Variants in HK1 observed in about 807,000 individuals in gnomAD.
HK1 encodes hexokinase 1, also known as hexokinase-1.
In HK1, 28 loss-of-function variants were observed where a neutral mutation model predicts 91.6. The ratio of observed to expected loss-of-function variants is 0.31; its 90% CI spans 0.23 to 0.42. The LOEUF (loss-of-function observed/expected upper bound fraction) is 0.42, where lower values mean the gene tolerates loss of function less well. Ranked by LOEUF, HK1 falls within the 10% of genes least tolerant of loss-of-function variation. The pLI, the probability that HK1 is intolerant of heterozygous loss-of-function variation, is 1.00. For synonymous variants in HK1, 430 were observed against 468.1 expected (o/e 0.92, Z 1.05); for missense variants, 770 against 1,219.8 (o/e 0.63, Z 5.49).
In HK1 at chr10:69,374,220, T is replaced by C. The variant is rs1468694250; in HGVS notation, c.876-2714T>C. Among the ~76,000 whole-genome samples, 7 of 152,184 alleles carry C rather than the reference T, an allele frequency of 4.6e-5. No individual in the cohort carries two copies. The East Asian group carries it at 1.2e-3, about 25-fold the overall frequency. On this transcript the variant is annotated intron_variant, in intron 7 of 17. Coordinates refer to ENST00000359426, the MANE Select transcript of HK1 (RefSeq NM_000188.3). ...GCCATGGGCCTCTGTCTCTTTTCTTTCCTTGGGCTTCTACCTGAAGCAGAC... is the reference window on the plus strand; with the variant it reads ...GCCATGGGCCTCTGTCTCTTTTCTTCCCTTGGGCTTCTACCTGAAGCAGAC...
intron 1 of HK1, among the ~76,000 whole-genome samples, chr10:69,281,763 A>C (rs554677932): frequency 4.6e-5 from 7 of 152,322 alleles, no homozygotes; most frequent in African/African-American, 1.4e-4. Flanking sequence ...ATTGTGCACA[A>C]TAAAAGAGAG....
intron 5 of HK1, among the ~76,000 whole-genome samples, chr10:69,306,393 A>C (rs551199707): frequency 2.6e-5 from 4 of 151,476 alleles, no homozygotes; most frequent in African/African-American, 9.7e-5. Flanking sequence ...AAAAATAAAT[A>C]AATAAAATAA....
At chr10:69,272,033 T>C (rs758650099) in intron 1 of HK1, among the ~76,000 whole-genome samples, 5 of 152,078 alleles carry the variant, frequency 3.3e-5, no homozygotes, top group Non-Finnish European at 5.9e-5. Context: ...CCAGCTAATT[T>C]TTGTATTTTT....
chr10:69,283,800 A>G (rs1844883491), intron 2 of HK1, among the ~76,000 whole-genome samples: 1 of 144,034 alleles, frequency 6.9e-6, no homozygotes, highest in Non-Finnish European at 1.5e-5. Flanking sequence ...CTCTGTCTCA[A>G]AAAAAAAAAA....
chr10:69,333,846 C>T (rs539976708), intron 1 of HK1, among the ~76,000 whole-genome samples: 4 of 152,258 alleles, frequency 2.6e-5, no homozygotes, highest in Admixed American at 2.0e-4. Context: ...GGCGCAGTGG[C>T]TCACGCCTGT....
chr10:69,332,381 C>T (rs532562171), intron 1 of HK1, among the ~76,000 whole-genome samples: 2 of 146,702 alleles, frequency 1.4e-5, no homozygotes, highest in East Asian at 4.0e-4. Flanking sequence ...TTCTTTCTTT[C>T]TTTTTTTCTT....
chr10:69,270,992 G>A (rs1844129459), intron 1 of HK1: 1 of 152,178 alleles, frequency 6.6e-6, no homozygotes, highest in Non-Finnish European at 1.5e-5. Flanking sequence ...AATGGGGCTC[G>A]ATCCTTATAC....
At chr10:69,286,215 T>C (rs1238757444) in intron 2 of HK1, among the ~76,000 whole-genome samples, 1 of 152,204 alleles carries the variant, frequency 6.6e-6, no homozygotes, top group Non-Finnish European at 1.5e-5. Flanking sequence ...TCATAAATTA[T>C]AGCTGAGTAC....
chr10:69,384,676 C>T, intron 11 of HK1, 120 bp from the exon 12 acceptor site: 1 of 1,463,810 alleles, frequency 6.8e-7, no homozygotes, highest in Non-Finnish European at 9.6e-7. Context: ...AGGAGGCTCA[C>T]TCTGCATGTG....
chr10:69,381,077 T>C (rs1392877487), intron 9 of HK1, among the ~76,000 whole-genome samples: 1 of 151,944 alleles, frequency 6.6e-6, no homozygotes, highest in Non-Finnish European at 1.5e-5. Context: ...CTGAGGCAGG[T>C]GGATTGCTTG....
intron 1 of HK1, among the ~76,000 whole-genome samples, chr10:69,319,615 C>G (rs1846890200): frequency 6.6e-6 from 1 of 152,262 alleles, no homozygotes; most frequent in Non-Finnish European, 1.5e-5. Context: ...GTGTCTGGAG[C>G]GGCACGTCTG....
At chr10:69,327,662 G>T (rs1296608164) in intron 1 of HK1, among the ~76,000 whole-genome samples, 2 of 152,100 alleles carry the variant, frequency 1.3e-5, no homozygotes, top group African/African-American at 4.8e-5. Flanking sequence ...TGCCATCCGT[G>T]GTCATGCCAG....
chr10:69,286,305 C>T lies in HK1; in HGVS notation c.-214-2366C>T, dbSNP rs565528542. Among the ~76,000 whole-genome samples, 8 of 152,148 alleles carry T rather than the reference C, an allele frequency of 5.3e-5. No individual in the cohort carries two copies. In the South Asian group the frequency reaches 1.5e-3, roughly 28 times the overall value. On this transcript the variant is annotated intron_variant, in intron 2 of 21. Coordinates refer to the HK1 transcript ENST00000360289. Reference sequence around the variant, plus strand: ...TTGAGCCCAGGGGTTTAAGACCAGCCTGGGCAACATAGTGAGATCCCGTCT... The same window carrying T: ...TTGAGCCCAGGGGTTTAAGACCAGCTTGGGCAACATAGTGAGATCCCGTCT...
At position 69,368,586 on chromosome 10, in the gene HK1, A is replaced by G; in HGVS notation, c.546A>G (p.Gly182=). 6.2e-7 allele frequency: 1 copy of G among 1,614,230 alleles called. No homozygotes were observed. The highest frequency in any genetic ancestry group is 8.5e-7 in the Non-Finnish European group (1 of 1,180,030). ...TKRFKASGVE[G]ADVVKLLNKA... ...GATTTAAAGCGAGCGGAGTGGAAGG[A>G]GCAGATGTGGTCAAACTGCTTAACA... The change falls in exon 5 of 18, where the codon GGA becomes GGG. Residue 182 remains glycine, a synonymous_variant. Transcript: ENST00000359426.
chr10:69,349,958 C>G (rs1395350135), intron 2 of HK1, among the ~76,000 whole-genome samples: 2 of 152,212 alleles, frequency 1.3e-5, no homozygotes, highest in Admixed American at 1.3e-4. Context: ...ATTCATCTGT[C>G]TCTTACTAGT....
rs970050523 is a variant in HK1, at chr10:69,376,951, G to A, written c.893G>A (p.Ser298Asn). Residue 298 changes from serine (S) to asparagine (N), a missense_variant, in exon 8 of 18, where the codon AGT (serine) becomes AAT (asparagine). This residue lies in a region of HK1 where 449 missense variants were observed against 665.1 expected (regional missense o/e 0.68). Transcript: ENST00000359426. Reference protein sequence around the residue: ...PGKQLFEKMVSGMYLGELVRL... With the variant: ...PGKQLFEKMVNGMYLGELVRL... Reference sequence around the variant, plus strand: ...CTCCACAGGTTTGAGAAGATGGTCAGTGGCATGTACTTGGGAGAGCTGGTT... The same window carrying A: ...CTCCACAGGTTTGAGAAGATGGTCAATGGCATGTACTTGGGAGAGCTGGTT... 4 of 1,614,236 alleles carry A rather than the reference G, an allele frequency of 2.5e-6. No homozygotes were observed. The highest frequency in any genetic ancestry group is 3.4e-6 in the Non-Finnish European group (4 of 1,180,048).
In HK1 at chr10:69,308,379, C is replaced by T. The variant is rs180983689; in HGVS notation, c.27+7518C>T. Among the ~76,000 whole-genome samples the T allele has an allele frequency of 2.6e-3, 390 of 152,252 alleles. 2 individuals are homozygous for T. Among genetic ancestry groups the T allele is most frequent in the African/African-American group, 9.0e-3 (375 of 41,538 alleles). On this transcript the variant is annotated intron_variant, in intron 5 of 21. Coordinates refer to the HK1 transcript ENST00000360289. ...TCGGCAAGACTCCTGTCTCAAGAGC[C>T]GAGCTCCCCGAGTGAACAATTCCTG...
intron 8 of HK1, among the ~76,000 whole-genome samples, chr10:69,377,675 G>A (rs953167859): frequency 2.0e-5 from 3 of 152,132 alleles, no homozygotes; most frequent in Non-Finnish European, 4.4e-5. Flanking sequence ...AAAAGAATAA[G>A]AAGTATAAAG....
At chr10:69,315,779 T>G (rs1203922343), upstream of HK1, 1 of 692,526 alleles carries the variant, frequency 1.4e-6, no homozygotes, top group Non-Finnish European at 2.7e-6. Context: ...GTTACTTATC[T>G]GAGGCCCAGG....
Sources: allele counts gnomAD v4.1 joint callset (sites outside exome capture counted in the v4.1 genomes callset), GRCh38; gene constraint gnomAD v4.1.1; regional missense constraint gnomAD v4.1.1; transcripts MANE v1.5; gene names NCBI Gene and HGNC (gene_info 2026-07-23, HGNC 2026-07-21).